Variants in GBE1 observed in about 807,000 individuals in gnomAD.
The protein encoded by GBE1 is 1,4-alpha-glucan branching enzyme 1, also known as 1,4-alpha-glucan-branching enzyme.
In GBE1, 70 loss-of-function variants were observed where a neutral mutation model predicts 88.8. That is an observed-to-expected ratio of 0.79 (90% CI 0.65 to 0.96). GBE1 has a LOEUF of 0.96. Among genes scored for constraint, GBE1 ranks in the 40% least tolerant of loss-of-function variants. GBE1 has a pLI of 0.00. For synonymous variants in GBE1, 284 were observed against 300.1 expected, an observed-to-expected ratio of 0.95 and a Z score of 0.56; for missense variants, 872 against 871.0, an observed-to-expected ratio of 1.00 and a Z score of -0.01.
At chr3:81,512,265 T>C (rs1011709025) in intron 14 of GBE1, among the ~76,000 whole-genome samples, 3 of 151,864 alleles carry the variant, frequency 2.0e-5, no homozygotes, top group African/African-American at 7.2e-5. Flanking sequence ...ACCTGGCTGA[T>C]AGGATCATTC....
At chr3:81,655,452 T>A (rs147354967) in intron 3 of GBE1, among the ~76,000 whole-genome samples, 53 of 152,314 alleles carry the variant, frequency 3.5e-4, no homozygotes, top group Middle Eastern at 6.8e-3. Flanking sequence ...ATATTCCAGA[T>A]GAAAAGCTAA....
intron 14 of GBE1, among the ~76,000 whole-genome samples, chr3:81,527,872 T>C (rs1702965360): frequency 6.6e-6 from 1 of 152,060 alleles, no homozygotes; most frequent in Admixed American, 6.6e-5. Context: ...ACTGGGTATA[T>C]ACCCAAAGGA....
At chr3:81,511,128 A>G (rs2106828042) in intron 14 of GBE1, among the ~76,000 whole-genome samples, 1 of 152,218 alleles carries the variant, frequency 6.6e-6, no homozygotes, top group South Asian at 2.1e-4. Context: ...AGTCATATGA[A>G]GAAGAATGAT....
chr3:81,751,052 G>T (rs1011244375), intron 1 of GBE1, among the ~76,000 whole-genome samples: 2 of 152,018 alleles, frequency 1.3e-5, no homozygotes, highest in Non-Finnish European at 2.9e-5. Context: ...AGTAGCTGAA[G>T]TGACTGAATC....
chr3:81,492,824 G>A (rs1190839019), intron 15 of GBE1, among the ~76,000 whole-genome samples: 3 of 150,552 alleles, frequency 2.0e-5, no homozygotes, highest in Non-Finnish European at 4.4e-5. Flanking sequence ...TGCAATCTCC[G>A]CCTCCCAGGT....
intron 1 of GBE1, among the ~76,000 whole-genome samples, chr3:81,720,150 G>A (rs893498836): frequency 2.3e-4 from 35 of 151,888 alleles, no homozygotes; most frequent in African/African-American, 8.0e-4. Context: ...AGAGACAAAG[G>A]TTTCAAAATT....
At chr3:81,518,251 A>C (rs1218168705) in intron 14 of GBE1, among the ~76,000 whole-genome samples, 1 of 151,438 alleles carries the variant, frequency 6.6e-6, no homozygotes. Context: ...TCTGAAGTGA[A>C]GAGACCATCA....
chr3:81,525,320 T>C (rs966534128), intron 14 of GBE1, among the ~76,000 whole-genome samples: 7 of 152,086 alleles, frequency 4.6e-5, no homozygotes, highest in Non-Finnish European at 8.8e-5. Flanking sequence ...TCTGTTTATA[T>C]GCTGGATTAC....
At chr3:81,559,331 C>G (rs924050678) in intron 12 of GBE1, among the ~76,000 whole-genome samples, 4 of 151,928 alleles carry the variant, frequency 2.6e-5, no homozygotes, top group African/African-American at 9.7e-5. Context: ...TAATCAGACT[C>G]TAGTGGGCAA....
intron 4 of GBE1, 134 bp from the exon 5 acceptor site, chr3:81,649,125 T>C (rs1283906398): frequency 1.8e-6 from 1 of 565,022 alleles, no homozygotes; most frequent in Non-Finnish European, 2.9e-6. Flanking sequence ...AGGCACCAGC[T>C]ACACTCACTA....
At chr3:81,756,173 T>C (rs1192859990) in intron 1 of GBE1, among the ~76,000 whole-genome samples, 1 of 152,188 alleles carries the variant, frequency 6.6e-6, no homozygotes, top group African/African-American at 2.4e-5. Flanking sequence ...AGATCAAACT[T>C]TTAGTCTCTG....
chr3:81,620,112 C>A (rs1260251472), intron 7 of GBE1, among the ~76,000 whole-genome samples: 1 of 151,408 alleles, frequency 6.6e-6, no homozygotes, highest in Non-Finnish European at 1.5e-5. Context: ...AAATCAATGA[C>A]ATAAAACAGC....
intron 2 of GBE1, among the ~76,000 whole-genome samples, chr3:81,673,697 A>G (rs1705219392): frequency 6.6e-6 from 1 of 151,948 alleles, no homozygotes; most frequent in Admixed American, 6.6e-5. Context: ...TACTTTAACT[A>G]TGTCGCATTT....
At chr3:81,583,733 G>A (rs566217646) in intron 10 of GBE1, among the ~76,000 whole-genome samples, 39 of 152,104 alleles carry the variant, frequency 2.6e-4, no homozygotes, top group African/African-American at 3.4e-4. Flanking sequence ...GGTTGCCAGC[G>A]GTTAAGGCAT....
chr3:81,684,956 C>A (rs1396993863), intron 2 of GBE1, among the ~76,000 whole-genome samples: 1 of 152,164 alleles, frequency 6.6e-6, no homozygotes, highest in Non-Finnish European at 1.5e-5. Flanking sequence ...CGATATTCAA[C>A]CTTAAATGAC....
chr3:81,646,474 AGTTGTATCCTATATAAG>A lies in GBE1; in HGVS notation c.692-9_699del. On this transcript the variant is annotated splice_acceptor_variant and splice_polypyrimidine_tract_variant and coding_sequence_variant and intron_variant, in exon 6 of 16. Transcript: ENST00000429644. LOFTEE classifies it high-confidence loss of function. The stretch of plus-strand genomic sequence containing the variant: ...TCCATGATTGCCATCAACTGAATGC[AGTTGTATCCTATATAAG>A]GCAATGGTCAAATCTAAATTAAAAG... 1 of 1,586,670 alleles carries A rather than the reference AGTTGTATCCTATATAAG, an allele frequency of 6.3e-7. No individual in the cohort carries two copies. Among genetic ancestry groups the A allele is most frequent in the Non-Finnish European group, 8.6e-7 (1 of 1,161,984 alleles).
intron 14 of GBE1, among the ~76,000 whole-genome samples, chr3:81,514,622 A>G (rs1702772152): frequency 6.6e-6 from 1 of 151,606 alleles, no homozygotes; most frequent in Non-Finnish European, 1.5e-5. Context: ...TCTCTGAGAA[A>G]CAGAAACTTC....
At chr3:81,702,444 T>TA (rs971669611) in intron 2 of GBE1, among the ~76,000 whole-genome samples, 1 of 151,896 alleles carries the variant, frequency 6.6e-6, no homozygotes, top group Non-Finnish European at 1.5e-5. Context: ...TCCTTTCTTC[T>TA]AAAAAAAGAA....
intron 7 of GBE1, among the ~76,000 whole-genome samples, chr3:81,616,013 T>C (rs572096938): frequency 6.6e-6 from 1 of 152,316 alleles, no homozygotes; most frequent in Non-Finnish European, 1.5e-5. Flanking sequence ...ATTTCCCTAA[T>C]GATGTTGAAT....
Sources: gnomAD v4.1 joint callset for allele counts (sites outside exome capture counted in the v4.1 genomes callset) on GRCh38, gnomAD v4.1.1 for gene constraint, MANE v1.5 for transcripts, NCBI Gene and HGNC (gene_info 2026-07-23, HGNC 2026-07-21) for gene names.